Variants in DCLK1 observed in about 807,000 individuals in gnomAD.
DCLK1 encodes serine/threonine-protein kinase DCLK1.
DCLK1 carries 16 observed loss-of-function variants against 86.2 expected under a neutral mutation model. That is an observed-to-expected ratio of 0.19 (90% CI 0.13 to 0.28). The LOEUF (loss-of-function observed/expected upper bound fraction) is 0.28, where lower values mean the gene tolerates loss of function less well. Ranked by LOEUF, DCLK1 falls within the 10% of genes least tolerant of loss-of-function variation. The probability of loss-of-function intolerance (pLI) is 1.00; values close to 1 mark genes in which losing one functional copy is unlikely to be tolerated. For synonymous variants in DCLK1, 369 were observed against 370.5 expected (o/e 1.00, Z 0.05); for missense variants, 590 against 940.2 (o/e 0.63, Z 4.87).
chr13:35,847,484 G>A, intron 6 of DCLK1: 1 of 984,958 alleles, frequency 1.0e-6, no homozygotes, highest in Non-Finnish European at 1.2e-6. Context: ...CCAAACACCT[G>A]TATAGATATA....
chr13:35,968,527 C>A (rs1593778218), intron 3 of DCLK1, among the ~76,000 whole-genome samples: 1 of 152,268 alleles, frequency 6.6e-6, no homozygotes, highest in Non-Finnish European at 1.5e-5. Context: ...GTCTACAAGT[C>A]TACGGCAGAA....
At chr13:36,118,620 A>G (rs1018748780) in intron 2 of DCLK1, among the ~76,000 whole-genome samples, 3 of 152,152 alleles carry the variant, frequency 2.0e-5, no homozygotes, top group African/African-American at 7.2e-5. Context: ...TGGAGAAGAG[A>G]AAACAAGTTG....
chr13:35,952,571 C>T (rs1429184297), intron 3 of DCLK1, among the ~76,000 whole-genome samples: 2 of 152,162 alleles, frequency 1.3e-5, no homozygotes, highest in African/African-American at 4.8e-5. Flanking sequence ...TTCGTGACAA[C>T]CAGAGATTTT....
At chr13:35,991,251 G>A (rs921268859) in intron 3 of DCLK1, among the ~76,000 whole-genome samples, 2 of 152,094 alleles carry the variant, frequency 1.3e-5, no homozygotes, top group African/African-American at 4.8e-5. Flanking sequence ...CATTAGATCA[G>A]ACCTTTATCC....
chr13:35,912,357 A>G (rs1318767803), intron 4 of DCLK1, among the ~76,000 whole-genome samples: 1 of 152,144 alleles, frequency 6.6e-6, no homozygotes, highest in African/African-American at 2.4e-5. Flanking sequence ...TTTCTGAATA[A>G]TGTCTTTTTA....
chr13:36,064,316 GC>G (rs1883666427), intron 3 of DCLK1, among the ~76,000 whole-genome samples: 1 of 152,158 alleles, frequency 6.6e-6, no homozygotes, highest in African/African-American at 2.4e-5. Flanking sequence ...CAACACAAAT[GC>G]CATTTTCCTG....
intron 3 of DCLK1, among the ~76,000 whole-genome samples, chr13:36,061,908 T>C (rs934959774): frequency 6.6e-6 from 1 of 152,158 alleles, no homozygotes; most frequent in Non-Finnish European, 1.5e-5. Flanking sequence ...TTTCATAAAA[T>C]ACCACTGAAG....
chr13:36,036,495 G>T (rs1009227293), intron 3 of DCLK1, among the ~76,000 whole-genome samples: 1 of 152,116 alleles, frequency 6.6e-6, no homozygotes, highest in Non-Finnish European at 1.5e-5. Context: ...ACGGCAAGTC[G>T]AATAAATACC....
At chr13:36,071,583 C>T (rs1412484085) in intron 3 of DCLK1, among the ~76,000 whole-genome samples, 1 of 152,100 alleles carries the variant, frequency 6.6e-6, no homozygotes, top group Non-Finnish European at 1.5e-5. Context: ...CTAAACTTTA[C>T]CAGGAAGTAT....
chr13:36,003,777 G>A (rs528934584), intron 3 of DCLK1, among the ~76,000 whole-genome samples: 134 of 152,146 alleles, frequency 8.8e-4, no homozygotes, highest in African/African-American at 3.1e-3. Flanking sequence ...AGAGATATAC[G>A]GCCATCCTGA....
intron 3 of DCLK1, among the ~76,000 whole-genome samples, chr13:35,976,664 G>T (rs1030481582): frequency 2.0e-5 from 3 of 151,248 alleles, no homozygotes; most frequent in Non-Finnish European, 4.4e-5. Flanking sequence ...CCAAGTAGCT[G>T]GGACTACAGG....
At chr13:36,074,416 G>T (rs576645232) in intron 3 of DCLK1, among the ~76,000 whole-genome samples, 1 of 126,796 alleles carries the variant, frequency 7.9e-6, no homozygotes, top group Non-Finnish European at 1.6e-5. Context: ...GTGAACCCTG[G>T]GGGGCGGAGC....
chr13:36,041,015 T>C (rs1298550540), intron 3 of DCLK1, among the ~76,000 whole-genome samples: 1 of 152,142 alleles, frequency 6.6e-6, no homozygotes, highest in East Asian at 1.9e-4. Flanking sequence ...TTTCCTTCCC[T>C]AGTCCTAGAA....
At chr13:35,858,780 A>T (rs570760790) in intron 5 of DCLK1, among the ~76,000 whole-genome samples, 2 of 152,280 alleles carry the variant, frequency 1.3e-5, no homozygotes, top group East Asian at 3.9e-4. Flanking sequence ...GAAAAATGAA[A>T]CTCAAGTGCC....
intron 3 of DCLK1, among the ~76,000 whole-genome samples, chr13:36,009,403 A>C (rs1881172883): frequency 2.1e-5 from 1 of 48,736 alleles, no homozygotes; most frequent in Non-Finnish European, 3.9e-5. Context: ...ATTTTTGTAC[A>C]AGGTGTAAGG....
chr13:36,109,280 C>G (rs1885524475), intron 3 of DCLK1, among the ~76,000 whole-genome samples: 1 of 152,092 alleles, frequency 6.6e-6, no homozygotes. Flanking sequence ...AGAATGACTG[C>G]AGGGAAAAAA....
intron 7 of DCLK1, 151 bp downstream of exon 7, chr13:35,838,941 G>T (rs545244891): frequency 3.2e-6 from 2 of 633,942 alleles, no homozygotes; most frequent in Admixed American, 2.9e-5. Context: ...TCCCTGGTGG[G>T]CACCATATTC....
At chr13:35,915,151 G>A (rs1175764461) in intron 4 of DCLK1, among the ~76,000 whole-genome samples, 1 of 152,190 alleles carries the variant, frequency 6.6e-6, no homozygotes, top group African/African-American at 2.4e-5. Context: ...GGCATTTGAA[G>A]CAATTTGTTA....
chr13:35,859,887 AAC>A (rs1386757679), intron 5 of DCLK1, among the ~76,000 whole-genome samples: 1 of 152,230 alleles, frequency 6.6e-6, no homozygotes, highest in African/African-American at 2.4e-5. Flanking sequence ...TATGTAGGTT[AAC>A]ACTTCTTTTT....
Sources: gnomAD v4.1 joint callset for allele counts (sites outside exome capture counted in the v4.1 genomes callset) on GRCh38, gnomAD v4.1.1 for gene constraint, MANE v1.5 for transcripts, NCBI Gene and HGNC (gene_info 2026-07-23, HGNC 2026-07-21) for gene names.